The following LRP2 variants were observed in gnomAD, a reference collection of about 807,000 sequenced individuals.
LRP2 encodes LDL receptor related protein 2.
LRP2 carries 172 observed loss-of-function variants against 531.0 expected under a neutral mutation model. The observed-to-expected ratio is 0.32, with a 90% CI of 0.29 to 0.37. LRP2 has a LOEUF of 0.37. LRP2 is among the 10% of genes least tolerant of loss of function. The probability of loss-of-function intolerance (pLI) is 1.00; values close to 1 mark genes in which losing one functional copy is unlikely to be tolerated. For missense variants in LRP2, 5,167 were observed against 5,868.3 expected, an observed-to-expected ratio of 0.88 and a Z score of 3.90; for synonymous variants, 1,992 against 2,027.6, an observed-to-expected ratio of 0.98 and a Z score of 0.47.
Position 169,185,793 on chromosome 2 carries a change from T to A in LRP2, c.9555A>T (p.Glu3185Asp). 6.2e-7 allele frequency: 1 copy of A among 1,614,028 alleles called. No homozygotes were observed. Among genetic ancestry groups the A allele is most frequent in the Non-Finnish European group, 8.5e-7 (1 of 1,179,988 alleles). The change falls in exon 50 of 79, where the codon GAA (glutamate) becomes GAT (aspartate). Residue 3185 changes from glutamate (E) to aspartate (D), a missense_variant. Physicochemically the swap from Glu to Asp is conservative, Grantham distance 45. Around this residue, in one of 6 missense-constraint regions of LRP2, gnomAD observed 1,129 missense variants for 1,362.7 expected, o/e 0.83. Coordinates refer to ENST00000649046, the MANE Select transcript of LRP2 (RefSeq NM_004525.3). Reference protein sequence around the residue: ...ICKCAPGYLREPDGKTCRQNS... With the variant: ...ICKCAPGYLRDPDGKTCRQNS... ...TTTGCCGGCAGGTCTTTCCATCTGGTTCTCGGAGGTAGCCTGGGGCACACT... is the reference window on the plus strand; with the variant it reads ...TTTGCCGGCAGGTCTTTCCATCTGGATCTCGGAGGTAGCCTGGGGCACACT...
chr2:169,161,763 T>G (rs1436633327), intron 63 of LRP2, among the ~76,000 whole-genome samples: 1 of 152,186 alleles, frequency 6.6e-6, no homozygotes. Flanking sequence ...CATGAGCCAC[T>G]GCATCCAGCC....
intron 68 of LRP2, 56 bp downstream of exon 68, chr2:169,150,842 T>C: frequency 6.2e-7 from 1 of 1,608,754 alleles, no homozygotes; most frequent in Non-Finnish European, 8.5e-7. Flanking sequence ...AACATGGAAT[T>C]TGATGAGAAT....
At chr2:169,190,414 C>G (rs879791131) in intron 48 of LRP2, among the ~76,000 whole-genome samples, 1 of 152,164 alleles carries the variant, frequency 6.6e-6, no homozygotes, top group African/African-American at 2.4e-5. Context: ...CATTTATCTA[C>G]TTTTTAAATT....
chr2:169,143,486 CA>C (rs201715179), intron 70 of LRP2, among the ~76,000 whole-genome samples: 8 of 148,844 alleles, frequency 5.4e-5, no homozygotes, highest in Admixed American at 2.0e-4. Context: ...ACTAAAAATA[CA>C]AAAAAAAAAT....
chr2:169,170,210 A>G (rs1686943775), intron 59 of LRP2, among the ~76,000 whole-genome samples: 2 of 152,230 alleles, frequency 1.3e-5, no homozygotes, highest in South Asian at 4.1e-4. Flanking sequence ...ATAGGAGCAC[A>G]TGCATATTCC....
chr2:169,134,491 T>C (rs1274575466), intron 76 of LRP2, among the ~76,000 whole-genome samples: 1 of 152,128 alleles, frequency 6.6e-6, no homozygotes, highest in Non-Finnish European at 1.5e-5. Context: ...CATATTTCCT[T>C]TTTTCCTGTT....
chr2:169,251,718 G>C (rs1185006084), intron 19 of LRP2, among the ~76,000 whole-genome samples: 1 of 87,728 alleles, frequency 1.1e-5, no homozygotes, highest in Non-Finnish European at 2.1e-5. Context: ...TTTTTGAAAG[G>C]ATCAACAAAA....
chr2:169,238,398 A>G, intron 26 of LRP2, 96 bp from the exon 27 acceptor site: 1 of 896,442 alleles, frequency 1.1e-6, no homozygotes, highest in South Asian at 1.4e-5. Context: ...GGTAACAGAA[A>G]GAAGGTGTAA....
At chr2:169,158,980 G>A (rs1469977837) in intron 63 of LRP2, among the ~76,000 whole-genome samples, 1 of 151,952 alleles carries the variant, frequency 6.6e-6, no homozygotes, top group African/African-American at 2.4e-5. Context: ...GTTCATCATT[G>A]CCCCAAGATC....
chr2:169,245,055 G>A (rs1458192374), intron 21 of LRP2, 123 bp from the exon 22 acceptor site: 12 of 1,034,744 alleles, frequency 1.2e-5, no homozygotes, highest in South Asian at 4.0e-5. Flanking sequence ...AAGGAGAAAT[G>A]TTCATCAAGT....
intron 3 of LRP2, among the ~76,000 whole-genome samples, chr2:169,308,614 G>C (rs1316586876): frequency 6.6e-6 from 1 of 152,172 alleles, no homozygotes; most frequent in Non-Finnish European, 1.5e-5. Context: ...TCTTAATCCA[G>C]TGTATCATTG....
At position 169,200,026 on chromosome 2, in the gene LRP2, G is replaced by A. The variant is rs571320006; in HGVS notation, c.8453-1115C>T. Among the ~76,000 whole-genome samples the A allele has an allele frequency of 4.0e-3, 611 of 152,212 alleles. 2 individuals carry two copies. The highest frequency in any genetic ancestry group is 5.9e-3 in the Non-Finnish European group (402 of 68,012). ...AGCACTTTGGGAGGCCAAGGTGGGC[G>A]GATCATGAGGTCAGGAGATCGAGAC... On this transcript the variant is annotated intron_variant, in intron 44 of 78. Transcript: ENST00000649046.
At chr2:169,130,377 T>C (rs1685240882) in intron 77 of LRP2, among the ~76,000 whole-genome samples, 1 of 149,370 alleles carries the variant, frequency 6.7e-6, no homozygotes. Flanking sequence ...AACCTCTGCC[T>C]CCCGGGTTCA....
Position 169,279,458 on chromosome 2 carries a change from CATAT to C in LRP2, c.1475_1478del (p.Asp492GlyfsTer2). On this transcript the variant is annotated frameshift_variant, in exon 12 of 79. Coordinates refer to ENST00000649046, the MANE Select transcript of LRP2 (RefSeq NM_004525.3). LOFTEE classifies it high-confidence loss of function. Reference sequence around the variant, plus strand: ...CCCGATAGCTTCCATCCAAATTTACCATATCTATGCGGTTGACCTTGGTTTCCAC... The same window carrying C: ...CCCGATAGCTTCCATCCAAATTTACCCTATGCGGTTGACCTTGGTTTCCAC... 1 of 1,614,006 alleles carries C rather than the reference CATAT, an allele frequency of 6.2e-7. No individual in the cohort carries two copies. The highest frequency in any genetic ancestry group is 8.5e-7 in the Non-Finnish European group (1 of 1,179,952).
Position 169,177,993 on chromosome 2 carries a change from C to A in LRP2, c.10203G>T (p.Thr3401=). The A allele has an allele frequency of 6.2e-7, 1 of 1,614,008 alleles. No individual in the cohort carries two copies. Among genetic ancestry groups the A allele is most frequent in the Non-Finnish European group, 8.5e-7 (1 of 1,180,012 alleles). Reference sequence around the variant, plus strand: ...GGTGAGGCAGTGCCCCATCATACACCGTGTGTCGATGGTGGCCCTCCAAAT... The same window carrying A: ...GGTGAGGCAGTGCCCCATCATACACAGTGTGTCGATGGTGGCCCTCCAAAT... ...YSDLEGHHRH[T]VYDGALPHPF... Residue 3401 remains threonine (T), a synonymous_variant, in exon 53 of 79, where the codon ACG becomes ACT. Coordinates refer to ENST00000649046, the MANE Select transcript of LRP2 (RefSeq NM_004525.3).
At chr2:169,179,966 C>T (rs1043442853) in intron 52 of LRP2, among the ~76,000 whole-genome samples, 1 of 152,058 alleles carries the variant, frequency 6.6e-6, no homozygotes, top group African/African-American at 2.4e-5. Flanking sequence ...GACTTTTAGA[C>T]TAAAATCTAC....
At chr2:169,178,079 A>G (rs148486179) in intron 52 of LRP2, 53 bp from the exon 53 acceptor site, 1 of 1,271,706 alleles carries the variant, frequency 7.9e-7, no homozygotes, top group East Asian at 2.4e-5. Context: ...CTCTCCTCTA[A>G]TGTCTTGCAG....
chr2:169,140,882 C>A (rs972633011), intron 71 of LRP2, among the ~76,000 whole-genome samples: 1 of 152,198 alleles, frequency 6.6e-6, no homozygotes, highest in African/African-American at 2.4e-5. Flanking sequence ...TTTCAGAATT[C>A]TCCTCCGTGA....
rs776545871 is a variant in LRP2, at chr2:169,207,011, G to A, written c.6709C>T (p.Arg2237Trp). ...TCACTTCGGTCCACTGCCAAGCCCC[G>A]TGGTGTGACAATGCCCTCTGACACA... Reference protein sequence around the residue: ...VLVSEGIVTPRGLAVDRSDGY... With the variant: ...VLVSEGIVTPWGLAVDRSDGY... The change falls in exon 39 of 79, where the codon CGG (arginine) becomes TGG (tryptophan). Residue 2237 changes from arginine to tryptophan, a missense_variant. Arg to Trp is a moderately radical substitution (Grantham distance 101). Around this residue, in one of 6 missense-constraint regions of LRP2, gnomAD observed 2,811 missense variants for 3,058.0 expected, o/e 0.92. Transcript: ENST00000649046. 20 of 1,614,146 alleles carry A rather than the reference G, an allele frequency of 1.2e-5. No homozygotes were observed. Among genetic ancestry groups the A allele is most frequent in the Non-Finnish European group, 1.5e-5 (18 of 1,180,026 alleles).
Sources: allele counts gnomAD v4.1 joint callset (sites outside exome capture counted in the v4.1 genomes callset), GRCh38; gene constraint gnomAD v4.1.1; regional missense constraint gnomAD v4.1.1; transcripts MANE v1.5; gene names NCBI Gene and HGNC (gene_info 2026-07-23, HGNC 2026-07-21).